The following DDAH1 variants were observed in gnomAD, a reference collection of about 807,000 sequenced individuals.
DDAH1 encodes the protein dimethylarginine dimethylaminohydrolase 1.
Under a neutral mutation model 28.8 loss-of-function variants are expected in DDAH1, and 19 were observed. The ratio of observed to expected loss-of-function variants is 0.66; its 90% CI spans 0.46 to 0.97. The LOEUF (loss-of-function observed/expected upper bound fraction) is 0.97, where lower values mean the gene tolerates loss of function less well. DDAH1 is among the 50% of genes least tolerant of loss of function. DDAH1 has a pLI of 0.00. For synonymous variants in DDAH1, 153 were observed against 154.4 expected, an observed-to-expected ratio of 0.99 and a Z score of 0.07; for missense variants, 326 against 375.9, an observed-to-expected ratio of 0.87 and a Z score of 1.10.
rs141947699 is a variant in DDAH1 at position 85,419,540 on chromosome 1, T to TAAAAAAAAA, written c.303+45194_303+45202dup. Among the ~76,000 whole-genome samples, 26 of 81,494 alleles carry TAAAAAAAAA rather than the reference T, an allele frequency of 3.2e-4. 1 individual carries two copies. The highest frequency in any genetic ancestry group is 1.3e-3 in the African/African-American group (24 of 18,142). 53.5% of individuals were successfully genotyped at this position (81,494 alleles called of 152,430 possible). On this transcript the variant is annotated intron_variant, in intron 1 of 5. Transcript: ENST00000284031. ...GGACGACAAGAGTGAAACTCCATCT[T>TAAAAAAAAA]AAAAAAAAAAAAAAAAAAAAGTCTG...
chr1:85,358,564 G>C (rs569574104), intron 2 of DDAH1, among the ~76,000 whole-genome samples, 184 bp downstream of exon 2: 1 of 152,132 alleles, frequency 6.6e-6, no homozygotes, highest in African/African-American at 2.4e-5. Flanking sequence ...CAGGAGAATC[G>C]CTTGAACCCA....
intron 1 of DDAH1, among the ~76,000 whole-genome samples, chr1:85,369,442 C>A (rs1020756035): frequency 3.3e-5 from 5 of 152,114 alleles, no homozygotes; most frequent in Non-Finnish European, 7.4e-5. Context: ...ACGGCAAGAG[C>A]CATACAACCT....
chr1:85,560,842 T>G (rs890975407), intron 1 of DDAH1, among the ~76,000 whole-genome samples: 5 of 152,116 alleles, frequency 3.3e-5, no homozygotes, highest in African/African-American at 9.7e-5. Flanking sequence ...TGTCTCTAAT[T>G]AATATTAATG....
Position 85,396,565 on chromosome 1 carries a change from A to C in DDAH1, c.304-37718T>G, listed in dbSNP as rs1369019034. On this transcript the variant is annotated intron_variant, in intron 1 of 5. Coordinates refer to ENST00000284031, the MANE Select transcript of DDAH1 (RefSeq NM_012137.4). ...AGCCCCACCTCCAGCATTGGGGATC[A>C]AATTTCAACATGAGATTTGGGGGAC... 3.3e-5 allele frequency among the ~76,000 whole-genome samples: 5 copies of C among 152,314 alleles called. No individual in the cohort carries two copies. In the East Asian group the frequency reaches 9.6e-4, roughly 29 times the overall value.
intron 1 of DDAH1, among the ~76,000 whole-genome samples, chr1:85,403,237 GTA>G (rs1553130793): frequency 1.9e-5 from 1 of 53,186 alleles, no homozygotes; most frequent in African/African-American, 6.1e-5. Flanking sequence ...ATATATGTGT[GTA>G]TATATACACA....
intron 1 of DDAH1, among the ~76,000 whole-genome samples, chr1:85,427,497 G>A (rs1653462857): frequency 6.6e-6 from 1 of 152,184 alleles, no homozygotes; most frequent in Non-Finnish European, 1.5e-5. Context: ...ATTCAAGCAA[G>A]ACTTTTACAG....
At chr1:85,429,346 C>T (rs1372744771) in intron 1 of DDAH1, among the ~76,000 whole-genome samples, 1 of 152,126 alleles carries the variant, frequency 6.6e-6, no homozygotes, top group Non-Finnish European at 1.5e-5. Flanking sequence ...GACATGAATT[C>T]ATTCTTTCTT....
chr1:85,557,520 C>A (rs549946782), intron 1 of DDAH1, among the ~76,000 whole-genome samples: 1 of 152,340 alleles, frequency 6.6e-6, no homozygotes, highest in African/African-American at 2.4e-5. Flanking sequence ...ACAACAGACA[C>A]TTTTGGATTC....
intron 1 of DDAH1, among the ~76,000 whole-genome samples, chr1:85,559,049 T>C (rs1349696880): frequency 1.3e-5 from 2 of 152,220 alleles, no homozygotes; most frequent in Non-Finnish European, 2.9e-5. Flanking sequence ...CAGTTTGACA[T>C]TATATATCAT....
chr1:85,454,999 A>G (rs1654822745), intron 1 of DDAH1, among the ~76,000 whole-genome samples: 1 of 152,204 alleles, frequency 6.6e-6, no homozygotes, highest in African/African-American at 2.4e-5. Context: ...TTTTTCAGAG[A>G]AAAGGGAGCT....
At chr1:85,468,543 G>A (rs1005459559), upstream of DDAH1, among the ~76,000 whole-genome samples, 7 of 143,888 alleles carry the variant, frequency 4.9e-5, no homozygotes, top group East Asian at 2.0e-4. Context: ...TTTTTGAGAC[G>A]GAGTCTCGCT....
chr1:85,406,896 G>A (rs1385629092), intron 1 of DDAH1, among the ~76,000 whole-genome samples: 1 of 151,838 alleles, frequency 6.6e-6, no homozygotes, highest in Non-Finnish European at 1.5e-5. Flanking sequence ...TATTACAAGG[G>A]TCTTTATGAC....
chr1:85,367,454 G>A (rs1570440629), intron 1 of DDAH1, among the ~76,000 whole-genome samples: 1 of 152,218 alleles, frequency 6.6e-6, no homozygotes, highest in South Asian at 2.1e-4. Flanking sequence ...CACACAATCA[G>A]TATCAACAAG....
At position 85,480,726 on chromosome 1, in the gene DDAH1, A is replaced by G. The variant is rs113724590; in HGVS notation, c.-7+15440T>C. ...GCCACAGCACTCCAACCTGGGCGAT[A>G]GAGCAAGACTCTGTCTCAAAAATAA... On this transcript the variant is annotated intron_variant, in intron 2 of 6. Coordinates refer to the DDAH1 transcript ENST00000426972. Among the ~76,000 whole-genome samples the G allele has an allele frequency of 9.9e-3, 1,504 of 152,308 alleles. 19 individuals carry two copies. The highest frequency in any genetic ancestry group is 0.034 in the African/African-American group (1,406 of 41,562).
intron 1 of DDAH1, among the ~76,000 whole-genome samples, chr1:85,411,552 C>T (rs1426122075): frequency 1.3e-5 from 2 of 152,178 alleles, no homozygotes; most frequent in Non-Finnish European, 2.9e-5. Flanking sequence ...GACTGTCTTT[C>T]ATTTCTAGAC....
intron 4 of DDAH1, among the ~76,000 whole-genome samples, chr1:85,332,015 T>C (rs187428969): frequency 5.9e-5 from 9 of 152,308 alleles, no homozygotes; most frequent in Non-Finnish European, 4.4e-5. Context: ...CCATGTTGAC[T>C]GCTGAAATCC....
intron 1 of DDAH1, among the ~76,000 whole-genome samples, chr1:85,368,458 G>A (rs1484757400): frequency 5.3e-5 from 8 of 152,128 alleles, no homozygotes; most frequent in East Asian, 3.9e-4. Context: ...ACAGTTTCCC[G>A]GAAGAAGGCT....
intron 1 of DDAH1, among the ~76,000 whole-genome samples, chr1:85,385,933 A>G (rs781228086): frequency 6.6e-6 from 1 of 152,030 alleles, no homozygotes; most frequent in Non-Finnish European, 1.5e-5. Flanking sequence ...ATGAAGGAGG[A>G]GAGAGAGGGA....
intron 2 of DDAH1, among the ~76,000 whole-genome samples, chr1:85,491,743 CAT>C (rs1483889301): frequency 1.3e-5 from 2 of 152,246 alleles, no homozygotes; most frequent in East Asian, 3.9e-4. Flanking sequence ...GCCCAATAAA[CAT>C]ATATTGGTTA....
Sources: gnomAD v4.1 joint callset for allele counts (sites outside exome capture counted in the v4.1 genomes callset) on GRCh38, gnomAD v4.1.1 for gene constraint, MANE v1.5 for transcripts, NCBI Gene and HGNC (gene_info 2026-07-23, HGNC 2026-07-21) for gene names.